Variants in PCDHGA11 observed in about 807,000 individuals in gnomAD.
PCDHGA11 encodes protocadherin gamma-A11.
PCDHGA11 carries 39 observed loss-of-function variants against 60.4 expected under a neutral mutation model. The ratio of observed to expected loss-of-function variants is 0.65; its 90% CI spans 0.50 to 0.84. The LOEUF (loss-of-function observed/expected upper bound fraction) is 0.84, where lower values mean the gene tolerates loss of function less well. Among genes scored for constraint, PCDHGA11 ranks in the 40% least tolerant of loss-of-function variants. The pLI is 0.00. For synonymous variants in PCDHGA11, 533 were observed against 510.3 expected, an observed-to-expected ratio of 1.04 and a Z score of -0.60; for missense variants, 1,165 against 1,197.7, an observed-to-expected ratio of 0.97 and a Z score of 0.40.
chr5:141,494,677 TGCCCCCTCTTA>T, intron 1 of PCDHGA11, 119 bp from the exon 2 acceptor site: 5 of 1,552,906 alleles, frequency 3.2e-6, no homozygotes, highest in Non-Finnish European at 4.4e-6. Flanking sequence ...AGTCCACCCC[TGCCCCCTCTTA>T]GTCCGTTTTC....
At chr5:141,441,127 G>A (rs1224106490) in intron 1 of PCDHGA11, 2 of 152,138 alleles carry the variant, frequency 1.3e-5, no homozygotes, top group African/African-American at 2.4e-5. Context: ...AGTTGAGACC[G>A]AATTTCTAGA....
chr5:141,460,277 A>C (rs2154566827), intron 1 of PCDHGA11, among the ~76,000 whole-genome samples: 1 of 152,124 alleles, frequency 6.6e-6, no homozygotes, highest in African/African-American at 2.4e-5. Context: ...TTTCTTTTAT[A>C]GTTTGTATTT....
intron 1 of PCDHGA11, among the ~76,000 whole-genome samples, chr5:141,425,133 A>T (rs1311425564): frequency 6.6e-6 from 1 of 152,200 alleles, no homozygotes; most frequent in Non-Finnish European, 1.5e-5. Flanking sequence ...GTCAAGAAAA[A>T]TGTTCAGGTA....
intron 1 of PCDHGA11, among the ~76,000 whole-genome samples, chr5:141,439,557 A>C (rs766239185): frequency 1.2e-4 from 19 of 152,178 alleles, no homozygotes; most frequent in Non-Finnish European, 2.2e-4. Context: ...TTCAGGCTGC[A>C]GTTCTAGAGT....
rs1309165721 is a variant in PCDHGA11 at position 141,430,655 on chromosome 5, G to A, written c.2433+6995G>A. On this transcript the variant is annotated intron_variant, in intron 1 of 3. Coordinates refer to ENST00000398587, the MANE Select transcript of PCDHGA11 (RefSeq NM_018914.3). Reference sequence around the variant, plus strand: ...ATCCCTGGGAGTATGTGGAAACAACGGAGGAGCTCTGACTTCCCAACTGTC... The same window carrying A: ...ATCCCTGGGAGTATGTGGAAACAACAGAGGAGCTCTGACTTCCCAACTGTC... 4.6e-6 allele frequency: 5 copies of A among 1,084,938 alleles called. No individual in the cohort carries two copies. In the East Asian group the frequency reaches 7.8e-5, roughly 17 times the overall value. 67.2% of individuals were successfully genotyped at this position (1,084,938 alleles called of 1,614,324 possible).
Position 141,432,057 on chromosome 5 carries a change from C to G in PCDHGA11, c.2433+8397C>G. On this transcript the variant is annotated intron_variant, in intron 1 of 3. Coordinates refer to ENST00000398587, the MANE Select transcript of PCDHGA11 (RefSeq NM_018914.3). This position sits in a 1 kb window ranked among gnomAD's most constrained non-coding sequence, Gnocchi z 6.0. The stretch of plus-strand genomic sequence containing the variant: ...ACTGACCGGGGAACCCCGCCCCTAT[C>G]CACGGAAACTCATATCTCGCTGAAC... 1 of 1,614,220 alleles carries G rather than the reference C, an allele frequency of 6.2e-7. No homozygotes were observed. The highest frequency in any genetic ancestry group is 8.5e-7 in the Non-Finnish European group (1 of 1,180,042).
chr5:141,423,759 G>GGC, intron 1 of PCDHGA11, 99 bp downstream of exon 1: 9 of 321,042 alleles, frequency 2.8e-5, no homozygotes, highest in Non-Finnish European at 3.6e-5. Context: ...TTGGGGGGGG[G>GGC]GTGGGGCGGC....
intron 1 of PCDHGA11, among the ~76,000 whole-genome samples, chr5:141,479,979 T>C (rs67253891): frequency 0.061 from 9,352 of 152,266 alleles, 334 homozygotes; most frequent in South Asian, 0.12. Context: ...GTTCTACCAT[T>C]TACCAACTAG....
chr5:141,466,683 A>G (rs1347308492), intron 1 of PCDHGA11, among the ~76,000 whole-genome samples: 1 of 152,170 alleles, frequency 6.6e-6, no homozygotes, highest in African/African-American at 2.4e-5. Context: ...CTTCCACTCA[A>G]GCTTCATCAT....
Position 141,511,089 on chromosome 5 carries a change from C to T in PCDHGA11, c.2724C>T (p.Thr908=). The change falls in exon 4 of 4, where the codon ACC becomes ACT. Residue 908 remains threonine (T), a synonymous_variant. Transcript: ENST00000398587. ...TCCCAGGCAGCAATGCCACACTGAC[C>T]AACGCAGCTGGCAAGCGGGATGGCA... is the stretch of plus-strand genomic sequence containing the variant. ...VYIPGSNATL[T]NAAGKRDGKA... 1 of 1,614,212 alleles carries T rather than the reference C, an allele frequency of 6.2e-7. No individual in the cohort carries two copies. Among genetic ancestry groups the T allele is most frequent in the Non-Finnish European group, 8.5e-7 (1 of 1,180,026 alleles).
intron 1 of PCDHGA11, among the ~76,000 whole-genome samples, chr5:141,468,824 C>A (rs1288506117): frequency 6.6e-6 from 1 of 152,010 alleles, no homozygotes; most frequent in Non-Finnish European, 1.5e-5. Flanking sequence ...CAAGATCAAG[C>A]CACTGCACTC....
intron 1 of PCDHGA11, among the ~76,000 whole-genome samples, chr5:141,451,644 G>A (rs1730833205): frequency 6.6e-6 from 1 of 152,178 alleles, no homozygotes; most frequent in Non-Finnish European, 1.5e-5. Context: ...CACTCTGAGA[G>A]GCCAAGGAGG....
At position 141,421,399 on chromosome 5, in the gene PCDHGA11, C is replaced by G; in HGVS notation, c.172C>G (p.Arg58Gly). The G allele has an allele frequency of 4.3e-6, 7 of 1,614,046 alleles. No individual in the cohort carries two copies. Among genetic ancestry groups the G allele is most frequent in the Non-Finnish European group, 5.1e-6 (6 of 1,179,918 alleles). ...NISKDLGLEPRELAKRGVRIV... is the reference protein window; with the variant it reads ...NISKDLGLEPGELAKRGVRIV... ...CTCCAAGGACCTGGGGCTGGAGCCC[C>G]GGGAGCTGGCGAAGCGCGGAGTCCG... The change falls in exon 1 of 4, where the codon CGG (arginine) becomes GGG (glycine). Residue 58 changes from arginine (R) to glycine (G), a missense_variant. Transcript: ENST00000398587.
rs376526750 is a variant in PCDHGA11 at position 141,476,593 on chromosome 5, G to T, written c.2434-18214G>T. The T allele has an allele frequency of 8.5e-5, 138 of 1,614,104 alleles. No individual in the cohort carries two copies. The highest frequency in any genetic ancestry group is 1.1e-4 in the Non-Finnish European group (133 of 1,180,044). On this transcript the variant is annotated intron_variant, in intron 1 of 3. Transcript: ENST00000398587. The surrounding 1 kb of genome is among the most constrained non-coding windows in gnomAD (Gnocchi z 7.6). ...GGACGCGCTTTCCGCTCGAGAGCGCGCACGATCCCGATGTGGGAAGCAACT... is the reference window on the plus strand; with the variant it reads ...GGACGCGCTTTCCGCTCGAGAGCGCTCACGATCCCGATGTGGGAAGCAACT...
Position 141,476,267 on chromosome 5 carries a change from G to A in PCDHGA11, c.2434-18540G>A, listed in dbSNP as rs373758158. The A allele has an allele frequency of 6.8e-6, 11 of 1,613,938 alleles. No homozygotes were observed. Among genetic ancestry groups the A allele is most frequent in the African/African-American group, 1.3e-5 (1 of 74,884 alleles). On this transcript the variant is annotated intron_variant, in intron 1 of 3. Transcript: ENST00000398587. The surrounding 1 kb of genome is among the most constrained non-coding windows in gnomAD (Gnocchi z 7.6). ...GAAGGGTTTCGCTGTGGGCAACGTG[G>A]TCGCGAACCTTGGTTTGGATCTCGG...
At chr5:141,504,340 G>C (rs1240423982) in intron 2 of PCDHGA11, among the ~76,000 whole-genome samples, 1 of 152,062 alleles carries the variant, frequency 6.6e-6, no homozygotes, top group Non-Finnish European at 1.5e-5. Flanking sequence ...CAAGTGCTAG[G>C]CTTTGTGCTA....
intron 1 of PCDHGA11, among the ~76,000 whole-genome samples, chr5:141,437,919 G>A (rs2097917914): frequency 1.3e-5 from 2 of 152,078 alleles, no homozygotes; most frequent in Admixed American, 1.3e-4. Context: ...TGTATTTTTA[G>A]TAGAGATGGG....
chr5:141,433,358 C>CCCATCTAT (rs1554125967), intron 1 of PCDHGA11: 6 of 503,934 alleles, frequency 1.2e-5, no homozygotes, highest in Admixed American at 3.6e-5. Context: ...CTACTGTCTG[C>CCCATCTAT]CTATCTATCT....
intron 1 of PCDHGA11, among the ~76,000 whole-genome samples, chr5:141,438,325 A>C (rs1400796518): frequency 6.6e-6 from 1 of 151,948 alleles, no homozygotes; most frequent in African/African-American, 2.4e-5. Context: ...AATTTTTCTT[A>C]TACATGTCAT....
Sources: allele counts gnomAD v4.1 joint callset (sites outside exome capture counted in the v4.1 genomes callset), GRCh38; gene constraint gnomAD v4.1.1; non-coding constraint Gnocchi (gnomAD v3.1); transcripts MANE v1.5; gene names NCBI Gene and HGNC (gene_info 2026-07-23, HGNC 2026-07-21).